Variants in NOX4 observed in about 807,000 individuals in gnomAD.
The protein encoded by NOX4 is NADPH oxidase 4, also known as kidney oxidase-1.
NOX4 carries 69 observed loss-of-function variants against 87.6 expected under a neutral mutation model. That is an observed-to-expected ratio of 0.79 (90% CI 0.65 to 0.96). The LOEUF (loss-of-function observed/expected upper bound fraction) is 0.96. NOX4 is among the 40% of genes least tolerant of loss of function. The pLI, the probability that NOX4 is intolerant of heterozygous loss-of-function variation, is 0.00. For synonymous variants in NOX4, 275 were observed against 238.2 expected (o/e 1.15, Z -1.42); for missense variants, 680 against 681.5 (o/e 1.00, Z 0.02).
the NOX4 span, among the ~76,000 whole-genome samples, chr11:89,538,676 A>G: frequency 6.6e-6 from 1 of 152,090 alleles, no homozygotes. Flanking sequence ...CTAAGTAATA[A>G]ATTTCTCCAA....
intron 2 of NOX4, among the ~76,000 whole-genome samples, chr11:89,462,067 C>T (rs1945494583): frequency 6.6e-6 from 1 of 151,364 alleles, no homozygotes; most frequent in African/African-American, 2.4e-5. Flanking sequence ...TAGCTAACTG[C>T]ATTACTATAA....
chr11:89,380,340 A>G (rs1940185202), intron 11 of NOX4, among the ~76,000 whole-genome samples: 1 of 152,182 alleles, frequency 6.6e-6, no homozygotes, highest in Non-Finnish European at 1.5e-5. Context: ...AGAGCTGCTT[A>G]TTGGTCAAAC....
the NOX4 span, chr11:89,533,858 C>G: frequency 6.6e-6 from 1 of 152,232 alleles, no homozygotes; most frequent in African/African-American, 2.4e-5. Flanking sequence ...GTTGTCTCTG[C>G]TCACCACTAC....
upstream of NOX4, among the ~76,000 whole-genome samples, chr11:89,500,736 A>G (rs1238252013): frequency 2.3e-4 from 35 of 152,162 alleles, 1 homozygote; most frequent in Admixed American, 2.3e-3. Flanking sequence ...AATAATGAAG[A>G]AATAAGATAT....
intron 11 of NOX4, among the ~76,000 whole-genome samples, chr11:89,399,548 C>T (rs1411102823): frequency 6.8e-6 from 1 of 146,906 alleles, no homozygotes; most frequent in Non-Finnish European, 1.5e-5. Context: ...AATGAAACTT[C>T]AAACACTGGG....
intron 12 of NOX4, among the ~76,000 whole-genome samples, chr11:89,363,927 G>C (rs1171407838): frequency 6.6e-6 from 1 of 151,986 alleles, no homozygotes; most frequent in Admixed American, 6.6e-5. Context: ...TCTCAAATTA[G>C]TACTACTTTA....
intron 16 of NOX4, 137 bp downstream of exon 16, chr11:89,337,310 T>C: frequency 7.5e-7 from 1 of 1,339,216 alleles, no homozygotes; most frequent in Non-Finnish European, 1.0e-6. Context: ...ATGACTTTCC[T>C]GGACATATTC....
chr11:89,515,936 T>C, the NOX4 span, among the ~76,000 whole-genome samples: 1 of 152,228 alleles, frequency 6.6e-6, no homozygotes, highest in Non-Finnish European at 1.5e-5. Context: ...CTACATCTTC[T>C]TCCACCTCCA....
the NOX4 span, chr11:89,548,055 T>C: frequency 6.7e-6 from 1 of 149,886 alleles, no homozygotes; most frequent in African/African-American, 2.5e-5. Context: ...AGATACTAGA[T>C]GAGATGGAGG....
chr11:89,474,286 AG>A (rs1342322081), intron 2 of NOX4, among the ~76,000 whole-genome samples: 3 of 152,088 alleles, frequency 2.0e-5, no homozygotes, highest in Non-Finnish European at 4.4e-5. Flanking sequence ...ACAAAGACAA[AG>A]GAAATGCAAT....
intron 6 of NOX4, among the ~76,000 whole-genome samples, chr11:89,438,395 AAT>A (rs1273112831): frequency 2.8e-3 from 320 of 112,902 alleles, no homozygotes; most frequent in Non-Finnish European, 4.0e-3. Context: ...ATATAATTAT[AAT>A]ATAAATAATA....
At chr11:89,583,676 G>T in the NOX4 span, among the ~76,000 whole-genome samples, 2 of 151,946 alleles carry the variant, frequency 1.3e-5, no homozygotes, top group African/African-American at 4.8e-5. Context: ...ACCTAGCAAT[G>T]GGAAAAACTT....
the NOX4 span, among the ~76,000 whole-genome samples, chr11:89,514,191 G>A: frequency 3.9e-5 from 6 of 152,030 alleles, no homozygotes; most frequent in South Asian, 8.3e-4. Flanking sequence ...AGATTCTTAT[G>A]TAGTTTTAGC....
intron 2 of NOX4, among the ~76,000 whole-genome samples, chr11:89,471,424 A>AAACCACAT (rs1429660084): frequency 6.6e-6 from 1 of 152,192 alleles, no homozygotes; most frequent in East Asian, 1.9e-4. Flanking sequence ...ACAAAAAGAG[A>AAACCACAT]AACCACATAA....
At chr11:89,588,054 ATTATAAT>A in the NOX4 span, among the ~76,000 whole-genome samples, 1 of 152,114 alleles carries the variant, frequency 6.6e-6, no homozygotes, top group African/African-American at 2.4e-5. Context: ...ATCCCACATG[ATTATAAT>A]TTGTAATTTT....
At chr11:89,485,160 G>C (rs556254884) in intron 2 of NOX4, among the ~76,000 whole-genome samples, 2 of 152,146 alleles carry the variant, frequency 1.3e-5, no homozygotes, top group South Asian at 4.1e-4. Flanking sequence ...GTTTCTAATG[G>C]ATAATGATTG....
At chr11:89,560,539 G>A in the NOX4 span, among the ~76,000 whole-genome samples, 1 of 152,086 alleles carries the variant, frequency 6.6e-6, no homozygotes, top group South Asian at 2.1e-4. Context: ...AGGTATGTCT[G>A]TGAGGGTGTT....
At chr11:89,360,125 G>T (rs1413371807) in intron 12 of NOX4, among the ~76,000 whole-genome samples, 1 of 151,870 alleles carries the variant, frequency 6.6e-6, no homozygotes, top group Non-Finnish European at 1.5e-5. Context: ...CCCCAAAAAG[G>T]GTCAATAAGA....
Position 89,425,353 on chromosome 11 carries a change from T to C in NOX4, c.549-3371A>G, listed in dbSNP as rs559338571. ...CTAAGAATTTTTCCTTAGGACATCA[T>C]TGAAAAAGCATGCAAAGACATATGG... On this transcript the variant is annotated intron_variant, in intron 7 of 17. Coordinates refer to ENST00000263317, the MANE Select transcript of NOX4 (RefSeq NM_016931.5). Among the ~76,000 whole-genome samples the C allele has an allele frequency of 3.3e-5, 5 of 150,742 alleles. No homozygotes were observed. The East Asian group carries it at 7.8e-4, about 24-fold the overall frequency.
Sources: allele counts gnomAD v4.1 joint callset (sites outside exome capture counted in the v4.1 genomes callset), GRCh38; gene constraint gnomAD v4.1.1; transcripts MANE v1.5; gene names NCBI Gene and HGNC (gene_info 2026-07-23, HGNC 2026-07-21).